Variants in ATP11A observed in about 807,000 individuals in gnomAD.
The protein encoded by ATP11A is ATPase phospholipid transporting 11A.
Under a neutral mutation model 154.4 loss-of-function variants are expected in ATP11A, and 81 were observed. That is an observed-to-expected ratio of 0.52 (90% CI 0.44 to 0.63). ATP11A has a LOEUF of 0.63. ATP11A is among the 30% of genes least tolerant of loss of function. The pLI is 0.00. For synonymous variants in ATP11A, 623 were observed against 585.9 expected, an observed-to-expected ratio of 1.06 and a Z score of -0.91; for missense variants, 1,316 against 1,474.3, an observed-to-expected ratio of 0.89 and a Z score of 1.76.
chr13:112,698,369 A>G (rs1014649157), intron 1 of ATP11A, among the ~76,000 whole-genome samples: 2 of 152,200 alleles, frequency 1.3e-5, no homozygotes, highest in Admixed American at 6.5e-5. Flanking sequence ...TGCAGAGCCT[A>G]AAGAAAACTG....
rs1305249506 is a variant in ATP11A, at chr13:112,690,143, G to C, written c.-274G>C. Among the ~76,000 whole-genome samples, 4 of 148,306 alleles carry C rather than the reference G, an allele frequency of 2.7e-5. No individual in the cohort carries two copies. The highest frequency in any genetic ancestry group is 9.7e-5 in the African/African-American group (4 of 41,036). On this transcript the variant is annotated 5_prime_UTR_variant, in exon 1 of 30. Transcript: ENST00000375645. The surrounding 1 kb of genome is among the most constrained non-coding windows in gnomAD (Gnocchi z 5.6). ...CCCAACCGAGCGGGCGGACCGACGG[G>C]GAGAGAGAAGGCGCCAGAGCGCGCG...
chr13:112,745,324 CA>C (rs1892007320), intron 1 of ATP11A: 1 of 152,222 alleles, frequency 6.6e-6, no homozygotes, highest in Non-Finnish European at 1.5e-5. Flanking sequence ...CTGGGCCTCC[CA>C]AAGTGTGGGG....
intron 1 of ATP11A, among the ~76,000 whole-genome samples, chr13:112,779,009 ACTGGAGTGAGTAGCCG>A (rs2077423748): frequency 1.2e-5 from 1 of 81,058 alleles, no homozygotes; most frequent in Non-Finnish European, 2.4e-5. Context: ...AAGAGTAGCC[ACTGGAGTGAGTAGCCG>A]CTGGAGTGAG....
chr13:112,719,788 G>A (rs1888942919), intron 1 of ATP11A, among the ~76,000 whole-genome samples: 1 of 152,180 alleles, frequency 6.6e-6, no homozygotes, highest in East Asian at 1.9e-4. Context: ...CTTCTTTAAA[G>A]TTCCATTTTG....
chr13:112,714,942 C>G (rs1888253772), intron 1 of ATP11A, among the ~76,000 whole-genome samples: 1 of 151,844 alleles, frequency 6.6e-6, no homozygotes, highest in African/African-American at 2.4e-5. Flanking sequence ...TCTCCTCCTT[C>G]CCCCTTCCCG....
At chr13:112,773,778 C>T (rs1282004324) in intron 1 of ATP11A, among the ~76,000 whole-genome samples, 3 of 152,268 alleles carry the variant, frequency 2.0e-5, no homozygotes, top group African/African-American at 7.2e-5. Context: ...GCCAACGCCC[C>T]GCGTGTGTGA....
At chr13:112,760,013 G>A (rs560430756) in intron 1 of ATP11A, among the ~76,000 whole-genome samples, 25 of 152,302 alleles carry the variant, frequency 1.6e-4, no homozygotes, top group African/African-American at 5.5e-4. Flanking sequence ...AAGCCGTCTG[G>A]CAATATGCCT....
At chr13:112,860,196 C>T (rs1390849299) in intron 23 of ATP11A, 91 bp from the exon 24 acceptor site, 4 of 1,425,780 alleles carry the variant, frequency 2.8e-6, no homozygotes, top group Non-Finnish European at 3.8e-6. Context: ...TCTTTCTATG[C>T]ATTTCAGAAA....
intron 1 of ATP11A, among the ~76,000 whole-genome samples, chr13:112,723,880 C>T (rs1002182447): frequency 6.6e-6 from 1 of 152,134 alleles, no homozygotes; most frequent in Non-Finnish European, 1.5e-5. Flanking sequence ...GCCCGAAACC[C>T]GGAGGCCCTC....
chr13:112,763,246 T>C (rs1369465437), intron 1 of ATP11A, among the ~76,000 whole-genome samples: 2 of 152,172 alleles, frequency 1.3e-5, no homozygotes, highest in Non-Finnish European at 2.9e-5. Context: ...ACCTGCATCT[T>C]GGCCAAGGGG....
chr13:112,769,155 C>G (rs774401916), intron 1 of ATP11A, among the ~76,000 whole-genome samples: 2 of 152,186 alleles, frequency 1.3e-5, no homozygotes, highest in Non-Finnish European at 1.5e-5. Flanking sequence ...AGGCTCCTAC[C>G]CTTCCCCATG....
At chr13:112,789,457 C>A (rs111361760) in intron 2 of ATP11A, among the ~76,000 whole-genome samples, 2,613 of 138,668 alleles carry the variant, frequency 0.019, 85 homozygotes, top group African/African-American at 0.073. Context: ...GACATATAGA[C>A]CCTTGCGGAG....
chr13:112,808,740 G>A (rs907006442), intron 4 of ATP11A, among the ~76,000 whole-genome samples: 1 of 152,144 alleles, frequency 6.6e-6, no homozygotes, highest in Non-Finnish European at 1.5e-5. Flanking sequence ...GCACTGACGG[G>A]CATCTCACTG....
intron 1 of ATP11A, among the ~76,000 whole-genome samples, chr13:112,776,091 G>A (rs964470543): frequency 6.6e-5 from 10 of 152,224 alleles, no homozygotes; most frequent in African/African-American, 2.2e-4. Context: ...CTCGGAGTCC[G>A]TGGCTGCTGC....
intron 2 of ATP11A, among the ~76,000 whole-genome samples, chr13:112,793,681 G>A (rs1286537749): frequency 2.0e-5 from 3 of 152,228 alleles, no homozygotes; most frequent in Non-Finnish European, 2.9e-5. Flanking sequence ...CGGCGTCCCC[G>A]CCTTTTTCAG....
At chr13:112,709,457 G>A (rs1398002680) in intron 1 of ATP11A, among the ~76,000 whole-genome samples, 1 of 152,096 alleles carries the variant, frequency 6.6e-6, no homozygotes, top group African/African-American at 2.4e-5. Flanking sequence ...AATCAACTAA[G>A]ATCCAGGCAC....
At chr13:112,870,155 G>A (rs2080468465) in intron 25 of ATP11A, among the ~76,000 whole-genome samples, 1 of 152,200 alleles carries the variant, frequency 6.6e-6, no homozygotes, top group Admixed American at 6.5e-5. Flanking sequence ...CAATGAGGAA[G>A]TGAGGGAAAA....
rs776794156 is a variant in ATP11A at position 112,690,439 on chromosome 13, C to A, written c.23C>A (p.Thr8Lys). ...GCCATGGACTGCAGCCTCGTGCGGA[C>A]GCTCGTGCACAGATACGTGAGTGCT... MDCSLVRTLVHRYCAGEE... is the reference protein window; with the variant it reads MDCSLVRKLVHRYCAGEE... Residue 8 changes from threonine (T) to lysine (K), a missense_variant, in exon 1 of 30, where the codon ACG (threonine) becomes AAG (lysine). Around this residue, in one of 5 missense-constraint regions of ATP11A, gnomAD observed 123 missense variants for 113.7 expected, o/e 1.08. Coordinates refer to ENST00000375645, the MANE Select transcript of ATP11A (RefSeq NM_015205.3). This position sits in a 1 kb window ranked among gnomAD's most constrained non-coding sequence, Gnocchi z 5.6. 1 of 1,343,430 alleles carries A rather than the reference C, an allele frequency of 7.4e-7. No homozygotes were observed. The highest frequency in any genetic ancestry group is 2.1e-5 in the South Asian group (1 of 47,912). 83.2% of individuals were successfully genotyped at this position (1,343,430 alleles called of 1,614,324 possible). A position where few individuals can be genotyped will look rare whatever the true frequency, so the allele number is the denominator to read the frequency against.
Position 112,825,635 on chromosome 13 carries a change from C to T in ATP11A, c.1023+55C>T, listed in dbSNP as rs545453389. Reference sequence around the variant, plus strand: ...CGAGGTGACCTGTGGGCCATTATTACGAAAATGTGGTGCAAGAAAAAGATG... The same window carrying T: ...CGAGGTGACCTGTGGGCCATTATTATGAAAATGTGGTGCAAGAAAAAGATG... On this transcript the variant is annotated intron_variant, in intron 11 of 29. Transcript: ENST00000375645. 520 of 1,516,452 alleles carry T rather than the reference C, an allele frequency of 3.4e-4. 5 individuals carry two copies. The South Asian group carries it at 5.6e-3, about 16-fold the overall frequency. The allele number at this position is 1,516,452 out of a possible 1,614,324, so 93.9% of individuals were successfully genotyped here. A position where few individuals can be genotyped will look rare whatever the true frequency, so the allele number is the denominator to read the frequency against.
Sources: allele counts gnomAD v4.1 joint callset (sites outside exome capture counted in the v4.1 genomes callset), GRCh38; gene constraint gnomAD v4.1.1; regional missense constraint gnomAD v4.1.1; non-coding constraint Gnocchi (gnomAD v3.1); transcripts MANE v1.5; gene names NCBI Gene and HGNC (gene_info 2026-07-23, HGNC 2026-07-21).